Variants in DMXL1 observed in about 807,000 individuals in gnomAD.
DMXL1 encodes the protein dmX-like protein 1.
DMXL1 carries 99 observed loss-of-function variants against 319.2 expected under a neutral mutation model. That is an observed-to-expected ratio of 0.31 (90% CI 0.26 to 0.37). The LOEUF is 0.37. DMXL1 is among the 10% of genes least tolerant of loss of function. DMXL1 has a pLI of 1.00. For synonymous variants in DMXL1, 1,385 were observed against 1,235.2 expected (o/e 1.12, Z -2.54); for missense variants, 3,745 against 3,595.6 (o/e 1.04, Z -1.06).
In DMXL1 at chr5:119,234,457, A is replaced by G. The variant is rs895602145; in HGVS notation, c.8466+990A>G. 3.2e-4 allele frequency among the ~76,000 whole-genome samples: 49 copies of G among 152,136 alleles called. No homozygotes were observed. In the Middle Eastern group the frequency reaches 0.014, roughly 42 times the overall value. ...CTCACACATTAAATTCTCCTCACAC[A>G]TTCCTTTTATCATTGTGTGCTGCAA... On this transcript the variant is annotated intron_variant, in intron 39 of 43. Transcript: ENST00000539542.
At chr5:119,114,772 G>A (rs1471979098) in intron 6 of DMXL1, among the ~76,000 whole-genome samples, 2 of 152,048 alleles carry the variant, frequency 1.3e-5, no homozygotes, top group African/African-American at 4.8e-5. Context: ...AGGTTAAAGC[G>A]ATTCTCCTGC....
chr5:119,074,871 C>G (rs937323965), intron 1 of DMXL1, among the ~76,000 whole-genome samples: 3 of 152,114 alleles, frequency 2.0e-5, no homozygotes, highest in African/African-American at 7.2e-5. Flanking sequence ...GAGTTGATTT[C>G]CAATGTGGTC....
intron 9 of DMXL1, among the ~76,000 whole-genome samples, chr5:119,121,950 C>T (rs1298640674): frequency 4.8e-5 from 7 of 144,450 alleles, no homozygotes; most frequent in African/African-American, 7.7e-5. Context: ...GGCGGCTGGC[C>T]GGGCAGAGTG....
intron 42 of DMXL1, among the ~76,000 whole-genome samples, chr5:119,240,898 A>G (rs1344453277): frequency 6.6e-6 from 1 of 152,188 alleles, no homozygotes; most frequent in Non-Finnish European, 1.5e-5. Context: ...ATAATTTTCT[A>G]TAAAATATCC....
chr5:119,167,990 T>C lies in DMXL1; in HGVS notation c.5398+126T>C, dbSNP rs1773775664. 4 of 915,246 alleles carry C rather than the reference T, an allele frequency of 4.4e-6. No homozygotes were observed. In the East Asian group the frequency reaches 1.3e-4, roughly 29 times the overall value. 56.7% of individuals were successfully genotyped at this position (915,246 alleles called of 1,614,324 possible). On this transcript the variant is annotated intron_variant, in intron 23 of 43. Transcript: ENST00000539542. ...GAATTCATGGTCTTTATAACAGTTT[T>C]TGGTTGGTTGTTTGGTTTTTTTCTC...
At chr5:119,229,426 C>G (rs1271161855) in intron 38 of DMXL1, among the ~76,000 whole-genome samples, 3 of 152,110 alleles carry the variant, frequency 2.0e-5, no homozygotes, top group African/African-American at 4.8e-5. Flanking sequence ...TAAGGCTCAT[C>G]ATTCTTTTAA....
Position 119,203,333 on chromosome 5 carries a change from T to C in DMXL1, c.7760T>C (p.Leu2587Pro). Reference sequence around the variant, plus strand: ...TCTCTCTGTAGATCCAAACACCATCTGGCACTGTCTGTGAAGAGGCTTTGG... The same window carrying C: ...TCTCTCTGTAGATCCAAACACCATCCGGCACTGTCTGTGAAGAGGCTTTGG... ...TNTPFKSKHH[L>P]ALSVKRLWQY... is the part of the protein sequence containing the mutation. Residue 2587 changes from leucine (L) to proline (P), a missense_variant, in exon 33 of 44, where the codon CTG becomes CCG. Leu to Pro is a moderately conservative substitution (Grantham distance 98). Coordinates refer to ENST00000539542, the MANE Select transcript of DMXL1 (RefSeq NM_001290321.3). 1 of 1,592,156 alleles carries C rather than the reference T, an allele frequency of 6.3e-7. No homozygotes were observed. The highest frequency in any genetic ancestry group is 1.4e-5 in the African/African-American group (1 of 73,868).
chr5:119,198,206 C>G (rs960864024), intron 32 of DMXL1, among the ~76,000 whole-genome samples: 3 of 152,168 alleles, frequency 2.0e-5, no homozygotes, highest in African/African-American at 7.2e-5. Flanking sequence ...CCAGGCTGGT[C>G]TCAAACTCCT....
rs750229776 is a variant in DMXL1 at position 119,150,306 on chromosome 5, A to G, written c.4479A>G (p.Leu1493=). Residue 1493 remains leucine, a synonymous_variant, in exon 18 of 44, where the codon TTA becomes TTG. Coordinates refer to ENST00000539542, the MANE Select transcript of DMXL1 (RefSeq NM_001290321.3). ...ATGCTCAGGTTCTTTCTGGCCACTTACTTCATTCTAGTTTACCAGGACTCA... is the reference window on the plus strand; with the variant it reads ...ATGCTCAGGTTCTTTCTGGCCACTTGCTTCATTCTAGTTTACCAGGACTCA... ...PEHAQVLSGH[L]LHSSLPGLSR... is the part of the protein sequence containing the mutation. 6.2e-7 allele frequency: 1 copy of G among 1,613,712 alleles called. No individual in the cohort carries two copies. The highest frequency in any genetic ancestry group is 1.7e-5 in the Admixed American group (1 of 59,982).
chr5:119,239,587 T>G (rs1788381008), intron 41 of DMXL1, among the ~76,000 whole-genome samples: 1 of 152,240 alleles, frequency 6.6e-6, no homozygotes, highest in Non-Finnish European at 1.5e-5. Context: ...AGACTTCATA[T>G]ATTATTATTT....
At chr5:119,164,790 C>A in intron 20 of DMXL1, 114 bp downstream of exon 20, 1 of 884,312 alleles carries the variant, frequency 1.1e-6, no homozygotes, top group Non-Finnish European at 1.7e-6. Context: ...CAGCAAAAGG[C>A]TTTTGAATAG....
chr5:119,104,518 A>C (rs1757922051), intron 3 of DMXL1, among the ~76,000 whole-genome samples: 1 of 152,238 alleles, frequency 6.6e-6, no homozygotes, highest in African/African-American at 2.4e-5. Context: ...TATGAATCTC[A>C]ATCTGTAATT....
intron 19 of DMXL1, among the ~76,000 whole-genome samples, chr5:119,159,187 C>CT (rs2150193095): frequency 6.6e-6 from 1 of 151,918 alleles, no homozygotes; most frequent in African/African-American, 2.4e-5. Context: ...CGCTGGAGTG[C>CT]AGTGGTGCAA....
Position 119,224,760 on chromosome 5 carries a change from C to G in DMXL1, c.8329C>G (p.Leu2777Val). The change falls in exon 38 of 44, where the codon CTT becomes GTT. Residue 2777 changes from leucine to valine, a missense_variant. Physicochemically the swap from Leu to Val is conservative, Grantham distance 32. Coordinates refer to ENST00000539542, the MANE Select transcript of DMXL1 (RefSeq NM_001290321.3). ...NVRRMTSHPT[L>V]PYYLTGAQDG... ...TAGAAGAATGACTTCTCATCCAACT[C>G]TTCCTTACTGTAAGTTGAATAATAA... The G allele has an allele frequency of 3.1e-6, 4 of 1,294,174 alleles. No individual in the cohort carries two copies. Among genetic ancestry groups the G allele is most frequent in the Non-Finnish European group, 4.1e-6 (4 of 971,666 alleles). 80.2% of individuals were successfully genotyped at this position (1,294,174 alleles called of 1,614,324 possible).
At chr5:119,155,820 C>G (rs1360182114) in intron 19 of DMXL1, among the ~76,000 whole-genome samples, 1 of 130,314 alleles carries the variant, frequency 7.7e-6, no homozygotes, top group Admixed American at 8.3e-5. Flanking sequence ...GGAGGAGACC[C>G]TGTCTCAAAA....
At chr5:119,209,292 A>C (rs1038116033) in intron 34 of DMXL1, among the ~76,000 whole-genome samples, 1 of 152,108 alleles carries the variant, frequency 6.6e-6, no homozygotes, top group Admixed American at 6.5e-5. Flanking sequence ...ATATTTTCCA[A>C]GGTGGTTGTA....
At chr5:119,177,907 A>G in intron 27 of DMXL1, 89 bp from the exon 28 acceptor site, 2 of 1,235,420 alleles carry the variant, frequency 1.6e-6, no homozygotes, top group Non-Finnish European at 2.2e-6. Context: ...GATGCAATAC[A>G]TTTTTTCCTG....
In DMXL1 at chr5:119,118,887, A is replaced by G; in HGVS notation, c.816A>G (p.Leu272=). 1 of 1,613,962 alleles carries G rather than the reference A, an allele frequency of 6.2e-7. No individual in the cohort carries two copies. Among genetic ancestry groups the G allele is most frequent in the African/African-American group, 1.3e-5 (1 of 75,038 alleles). ...GTCGTCTTTGGGTAGAGACATTTTT[A>G]CCAAATGATTGTTTGCTATACGGAG... is the stretch of plus-strand genomic sequence containing the variant. The part of the protein sequence containing the change: ...NVCRLWVETF[L]PNDCLLYGGD... Residue 272 remains leucine, a synonymous_variant, in exon 8 of 44, where the codon TTA becomes TTG. Transcript: ENST00000539542.
At chr5:119,087,810 T>C (rs939571369) in intron 1 of DMXL1, among the ~76,000 whole-genome samples, 14 of 148,656 alleles carry the variant, frequency 9.4e-5, no homozygotes, top group Non-Finnish European at 3.0e-5. Flanking sequence ...ATTTTTATTA[T>C]TTTTTTTTTG....
Sources: gnomAD v4.1 joint callset for allele counts (sites outside exome capture counted in the v4.1 genomes callset) on GRCh38, gnomAD v4.1.1 for gene constraint, MANE v1.5 for transcripts, NCBI Gene and HGNC (gene_info 2026-07-23, HGNC 2026-07-21) for gene names.